SLC36A2: variants seen among roughly 807,000 people sequenced by gnomAD.
SLC36A2 encodes the protein proton-coupled amino acid transporter 2.
In SLC36A2, 39 loss-of-function variants were observed where a neutral mutation model predicts 42.7. The ratio of observed to expected loss-of-function variants is 0.91; its 90% CI spans 0.71 to 1.19. The LOEUF is 1.19. Ranked by LOEUF, SLC36A2 falls within the 50% of genes most tolerant of loss-of-function variation. The pLI, the probability that SLC36A2 is intolerant of heterozygous loss-of-function variation, is 0.00. For synonymous variants in SLC36A2, 237 were observed against 240.8 expected (o/e 0.98, Z 0.15); for missense variants, 590 against 613.7 (o/e 0.96, Z 0.41).
rs75990705 is a variant in SLC36A2, at chr5:151,317,955, G to T, written c.1181-867C>A. ...TACCCCCTTAATAAGGGGAAAAGGAGGGAGGAGAAAGGGCTTTTATGGAAG... is the reference window on the plus strand; with the variant it reads ...TACCCCCTTAATAAGGGGAAAAGGATGGAGGAGAAAGGGCTTTTATGGAAG... On this transcript the variant is annotated intron_variant, in intron 9 of 9. Transcript: ENST00000335244. Among the ~76,000 whole-genome samples the T allele has an allele frequency of 3.7e-3, 570 of 152,298 alleles. 7 individuals are homozygous for T. The highest frequency in any genetic ancestry group is 0.013 in the African/African-American group (534 of 41,556).
chr5:151,344,208 A>G lies in SLC36A2; in HGVS notation c.224T>C (p.Leu75Pro). ...GCCCGCGTTCTTCACAGCGAGGGGT[A>G]GTCCCAGGATCCCTGTGCCCATGTT... ...KGNMGTGILG[L>P]PLAVKNAGIL... Residue 75 changes from leucine (L) to proline (P), a missense_variant, in exon 2 of 10, where the codon CTA becomes CCA. Leu to Pro is a moderately conservative substitution (Grantham distance 98). Coordinates refer to ENST00000335244, the MANE Select transcript of SLC36A2 (RefSeq NM_181776.3). The G allele has an allele frequency of 6.2e-7, 1 of 1,614,200 alleles. No homozygotes were observed. Among genetic ancestry groups the G allele is most frequent in the Non-Finnish European group, 8.5e-7 (1 of 1,180,012 alleles).
chr5:151,325,035 G>T (rs780483512), intron 8 of SLC36A2: 5 of 532,458 alleles, frequency 9.4e-6, no homozygotes, highest in Non-Finnish European at 1.4e-5. Flanking sequence ...GCTCTCACTT[G>T]TGTCCTCTCT....
chr5:151,339,235 A>C, intron 4 of SLC36A2, 91 bp from the exon 5 acceptor site: 1 of 972,310 alleles, frequency 1.0e-6, no homozygotes. Flanking sequence ...CTCTGTTCCC[A>C]GGGATTGGTT....
chr5:151,317,206 C>T (rs1224082459), intron 9 of SLC36A2, 118 bp from the exon 10 acceptor site: 20 of 1,323,534 alleles, frequency 1.5e-5, no homozygotes, highest in Non-Finnish European at 2.1e-5. Context: ...AATCCCAGCA[C>T]TTTGGGAGGC....
intron 5 of SLC36A2, chr5:151,338,814 A>G (rs1580860553): frequency 2.6e-6 from 1 of 382,852 alleles, no homozygotes; most frequent in Non-Finnish European, 5.0e-6. Flanking sequence ...GGGTCTTTCC[A>G]TTCCAGTTCA....
At chr5:151,346,153 A>G (rs1416347446) in intron 1 of SLC36A2, among the ~76,000 whole-genome samples, 1 of 152,204 alleles carries the variant, frequency 6.6e-6, no homozygotes, top group Non-Finnish European at 1.5e-5. Flanking sequence ...GTATCAGTTC[A>G]GGACACAAGA....
chr5:151,338,926 A>G (rs1415028266), intron 5 of SLC36A2, 134 bp downstream of exon 5: 2 of 705,988 alleles, frequency 2.8e-6, no homozygotes, highest in African/African-American at 1.8e-5. Flanking sequence ...AGGGGAGGCA[A>G]GTTTGACAAC....
intron 7 of SLC36A2, among the ~76,000 whole-genome samples, chr5:151,328,903 T>C (rs950656698): frequency 6.6e-6 from 1 of 152,238 alleles, no homozygotes; most frequent in Non-Finnish European, 1.5e-5. Flanking sequence ...TGCTTTTTCT[T>C]TCTCTTTTCA....
chr5:151,330,341 C>T (rs1755963668), intron 7 of SLC36A2, among the ~76,000 whole-genome samples: 1 of 151,946 alleles, frequency 6.6e-6, no homozygotes, highest in Admixed American at 6.6e-5. Flanking sequence ...AACAAGGATT[C>T]AAACAATTGC....
intron 1 of SLC36A2, among the ~76,000 whole-genome samples, chr5:151,345,741 A>G (rs928066789): frequency 6.6e-6 from 1 of 152,234 alleles, no homozygotes; most frequent in African/African-American, 2.4e-5. Flanking sequence ...GGGCCACTCA[A>G]CCAACTTGAA....
Position 151,347,389 on chromosome 5 carries a change from A to G in SLC36A2, c.72T>C (p.Pro24=), listed in dbSNP as rs752585937. 6 of 1,614,236 alleles carry G rather than the reference A, an allele frequency of 3.7e-6. No individual in the cohort carries two copies. The highest frequency in any genetic ancestry group is 5.1e-6 in the Non-Finnish European group (6 of 1,180,050). Residue 24 remains proline (P), a synonymous_variant, in exon 1 of 10, where the codon CCT becomes CCC. Coordinates refer to ENST00000335244, the MANE Select transcript of SLC36A2 (RefSeq NM_181776.3). ...VAIKLDLMSP[P]ESAKKLENKD... Reference sequence around the variant, plus strand: ...TGTTCTCCAACTTCTTGGCACTTTCAGGAGGCGACATAAGGTCCAATTTGA... The same window carrying G: ...TGTTCTCCAACTTCTTGGCACTTTCGGGAGGCGACATAAGGTCCAATTTGA...
chr5:151,325,383 T>C lies in SLC36A2; in HGVS notation c.913A>G (p.Ile305Val). 1 of 1,614,224 alleles carries C rather than the reference T, an allele frequency of 6.2e-7. No individual in the cohort carries two copies. Residue 305 changes from isoleucine (I) to valine (V), a missense_variant, in exon 8 of 10, where the codon ATC (isoleucine) becomes GTC (valine). Coordinates refer to ENST00000335244, the MANE Select transcript of SLC36A2 (RefSeq NM_181776.3). ...FPAILSLGMS[I>V]VTSLYIGMAA... Reference sequence around the variant, plus strand: ...ATGCCAATGTATAGGGAAGTGACGATGGACATTCCCAAAGACAGGATGGCT... The same window carrying C: ...ATGCCAATGTATAGGGAAGTGACGACGGACATTCCCAAAGACAGGATGGCT...
chr5:151,338,922 G>T, intron 5 of SLC36A2, 138 bp downstream of exon 5: 1 of 686,308 alleles, frequency 1.5e-6, no homozygotes, highest in Non-Finnish European at 2.7e-6. Context: ...AACTAGGGGA[G>T]GCAAGTTTGA....
chr5:151,337,046 A>G (rs1244193971), intron 5 of SLC36A2, among the ~76,000 whole-genome samples: 2 of 152,220 alleles, frequency 1.3e-5, no homozygotes, highest in Non-Finnish European at 2.9e-5. Context: ...GGATACATAA[A>G]TGAATCATTT....
intron 8 of SLC36A2, among the ~76,000 whole-genome samples, chr5:151,322,560 C>T (rs570034072): frequency 1.4e-4 from 22 of 152,134 alleles, no homozygotes; most frequent in Non-Finnish European, 1.9e-4. Flanking sequence ...GATACTTTGC[C>T]CAGGGAGACA....
intron 8 of SLC36A2, among the ~76,000 whole-genome samples, chr5:151,322,654 T>C (rs1204309848): frequency 2.6e-5 from 4 of 152,212 alleles, no homozygotes; most frequent in Non-Finnish European, 4.4e-5. Flanking sequence ...TTATCTGGAT[T>C]CCCCAAAGCT....
intron 5 of SLC36A2, among the ~76,000 whole-genome samples, chr5:151,336,992 ACT>A (rs1440218990): frequency 6.6e-6 from 1 of 152,006 alleles, no homozygotes; most frequent in African/African-American, 2.4e-5. Context: ...CATAGCATTC[ACT>A]CTTTTCTTTT....
rs10042608 is a variant in SLC36A2 at position 151,316,935 on chromosome 5, G to A, written c.1334C>T (p.Ala445Val). The change falls in exon 10 of 10, where the codon GCC (alanine) becomes GTC (valine). Residue 445 changes from alanine (A) to valine (V), a missense_variant. Coordinates refer to ENST00000335244, the MANE Select transcript of SLC36A2 (RefSeq NM_181776.3). ...CACGAAGCCCAGGATGCTGATCAGG[G>A]CGTCCTTGAAGATGGTGAGGGGGCT... ...GMSPLTIFKD[A>V]LISILGFVGF... 0.043 allele frequency: 69,450 copies of A among 1,613,876 alleles called. 2,136 individuals are homozygous for A. Among genetic ancestry groups the A allele is most frequent in the African/African-American group, 0.16 (11,803 of 74,910 alleles).
rs745442485 is a variant in SLC36A2, at chr5:151,343,578, C to T, written c.276G>A (p.Leu92=). Residue 92 remains leucine (L), a synonymous_variant, in exon 3 of 10, where the codon CTG becomes CTA. Transcript: ENST00000335244. ...AGTGGCAGGCAATGAAGCCCATCAC[C>T]AGCAGACTGAGTGGGCCCATCTGGA... ...AGILMGPLSL[L]VMGFIACHCM... The T allele has an allele frequency of 6.2e-7, 1 of 1,614,172 alleles. No homozygotes were observed. Among genetic ancestry groups the T allele is most frequent in the South Asian group, 1.1e-5 (1 of 91,090 alleles).
Sources: allele counts gnomAD v4.1 joint callset (sites outside exome capture counted in the v4.1 genomes callset), GRCh38; gene constraint gnomAD v4.1.1; transcripts MANE v1.5; gene names NCBI Gene and HGNC (gene_info 2026-07-23, HGNC 2026-07-21).